The following FRMD4A variants were observed in gnomAD, a reference collection of about 807,000 sequenced individuals.
The protein encoded by FRMD4A is FERM domain containing 4A, also known as FERM domain-containing protein 4A.
Under a neutral mutation model 129.1 loss-of-function variants are expected in FRMD4A, and 29 were observed. That is an observed-to-expected ratio of 0.22 (90% CI 0.17 to 0.31). FRMD4A has a LOEUF of 0.31. Ranked by LOEUF, FRMD4A falls within the 10% of genes least tolerant of loss-of-function variation. FRMD4A has a pLI of 1.00. For missense variants in FRMD4A, 1,272 were observed against 1,375.8 expected (o/e 0.92, Z 1.19); for synonymous variants, 634 against 571.6 (o/e 1.11, Z -1.56).
chr10:14,185,622 A>G (rs968146486), intron 2 of FRMD4A, among the ~76,000 whole-genome samples: 12 of 152,204 alleles, frequency 7.9e-5, no homozygotes, highest in Admixed American at 2.0e-4. Flanking sequence ...AAGGGGATAT[A>G]TACTTCATGG....
rs565982619 is a variant in FRMD4A at position 14,119,247 on chromosome 10, C to T, written c.45+210811G>A. Among the ~76,000 whole-genome samples, 3 of 152,244 alleles carry T rather than the reference C, an allele frequency of 2.0e-5. No individual in the cohort carries two copies. In the East Asian group the frequency reaches 5.8e-4, roughly 29 times the overall value. ...TGTGAATGAAGAGGTGTTAGAACAG[C>T]ACCTATCGGGAGCATCCTTAGGCCA... On this transcript the variant is annotated intron_variant, in intron 2 of 24. Coordinates refer to ENST00000357447, the MANE Select transcript of FRMD4A (RefSeq NM_018027.5).
chr10:14,066,178 A>G (rs555432432), intron 2 of FRMD4A, among the ~76,000 whole-genome samples: 1 of 152,244 alleles, frequency 6.6e-6, no homozygotes, highest in Non-Finnish European at 1.5e-5. Flanking sequence ...TCAGAGTTGC[A>G]GAAAGCTGGG....
intron 2 of FRMD4A, among the ~76,000 whole-genome samples, chr10:14,171,267 T>C (rs1841462804): frequency 6.6e-6 from 1 of 152,214 alleles, no homozygotes; most frequent in Admixed American, 6.5e-5. Flanking sequence ...TCATTTGCTA[T>C]GGTTGAAATC....
At chr10:14,318,328 C>CA (rs1260266641) in intron 2 of FRMD4A, among the ~76,000 whole-genome samples, 3 of 113,604 alleles carry the variant, frequency 2.6e-5, no homozygotes. Flanking sequence ...TCCCCCCCCA[C>CA]CTTTTTTTTT....
chr10:13,652,035 C>G (rs2081657704), intron 23 of FRMD4A, 61 bp from the exon 24 acceptor site: 2 of 856,350 alleles, frequency 2.3e-6, no homozygotes, highest in South Asian at 1.3e-5. Context: ...GAGACACTGA[C>G]ACAGACACAG....
At position 14,112,259 on chromosome 10, in the gene FRMD4A, T is replaced by C. The variant is rs984013037; in HGVS notation, c.45+217799A>G. ...CCATGTTTGAATTTAATTCTCTAAG[T>C]AATTAGGAGCTGTGTAGATCAGTGA... On this transcript the variant is annotated intron_variant, in intron 2 of 24. Coordinates refer to ENST00000357447, the MANE Select transcript of FRMD4A (RefSeq NM_018027.5). Among the ~76,000 whole-genome samples, 9 of 152,162 alleles carry C rather than the reference T, an allele frequency of 5.9e-5. No individual in the cohort carries two copies. The East Asian group carries it at 1.7e-3, about 29-fold the overall frequency.
intron 2 of FRMD4A, among the ~76,000 whole-genome samples, chr10:14,009,329 C>A (rs1304741336): frequency 1.3e-5 from 2 of 149,710 alleles, no homozygotes; most frequent in Non-Finnish European, 3.0e-5. Context: ...TTTTCTTTTT[C>A]TTTTTAAAGC....
At chr10:13,981,325 G>A (rs139230000) in intron 2 of FRMD4A, among the ~76,000 whole-genome samples, 1 of 152,326 alleles carries the variant, frequency 6.6e-6, no homozygotes, top group Non-Finnish European at 1.5e-5. Flanking sequence ...GTTTAAAGCA[G>A]TCAACCAAAG....
At chr10:13,663,993 C>T (rs369227252) in intron 18 of FRMD4A, among the ~76,000 whole-genome samples, 16 of 152,296 alleles carry the variant, frequency 1.1e-4, no homozygotes, top group East Asian at 9.6e-4. Flanking sequence ...AGAAAACAAG[C>T]GTGCTAAATA....
At chr10:13,819,764 C>T (rs2093602141) in intron 3 of FRMD4A, among the ~76,000 whole-genome samples, 1 of 148,646 alleles carries the variant, frequency 6.7e-6, no homozygotes, top group African/African-American at 2.5e-5. Flanking sequence ...GGCACGATCT[C>T]AGGCTGGAGT....
chr10:13,856,021 TC>T (rs2094207424), intron 3 of FRMD4A, among the ~76,000 whole-genome samples: 2 of 102,016 alleles, frequency 2.0e-5, no homozygotes, highest in South Asian at 3.7e-4. Flanking sequence ...ATACTATCTA[TC>T]TATCTATCTA....
chr10:13,780,556 A>G (rs890523173), intron 6 of FRMD4A, among the ~76,000 whole-genome samples: 33 of 152,214 alleles, frequency 2.2e-4, no homozygotes, highest in African/African-American at 8.0e-4. Flanking sequence ...AGATACACAA[A>G]TGGCCAACAG....
intron 2 of FRMD4A, among the ~76,000 whole-genome samples, chr10:14,290,330 A>C (rs1378606212): frequency 6.6e-6 from 1 of 152,092 alleles, no homozygotes; most frequent in Non-Finnish European, 1.5e-5. Flanking sequence ...TCAAAGTATA[A>C]TACAAAGGTA....
intron 2 of FRMD4A, among the ~76,000 whole-genome samples, chr10:14,185,626 T>C (rs911103564): frequency 3.9e-5 from 6 of 152,174 alleles, no homozygotes; most frequent in East Asian, 3.9e-4. Context: ...GGATATATAC[T>C]TCATGGTCAG....
At chr10:13,931,580 T>G (rs1372927308) in intron 2 of FRMD4A, among the ~76,000 whole-genome samples, 2 of 152,120 alleles carry the variant, frequency 1.3e-5, no homozygotes, top group Non-Finnish European at 2.9e-5. Flanking sequence ...AAGCCTTTGC[T>G]CTATCCCCTA....
chr10:14,219,041 A>G (rs1649596740), intron 2 of FRMD4A, among the ~76,000 whole-genome samples: 1 of 149,842 alleles, frequency 6.7e-6, no homozygotes, highest in African/African-American at 2.5e-5. Flanking sequence ...AGAAGGGGAT[A>G]AGAGGAGGGG....
chr10:13,768,421 T>C (rs1168012926), intron 6 of FRMD4A, among the ~76,000 whole-genome samples: 1 of 152,208 alleles, frequency 6.6e-6, no homozygotes, highest in African/African-American at 2.4e-5. Flanking sequence ...CAGCCCACCA[T>C]GGTCCGGAAC....
chr10:14,163,671 G>C (rs1309955839), intron 2 of FRMD4A, among the ~76,000 whole-genome samples: 1 of 152,162 alleles, frequency 6.6e-6, no homozygotes, highest in African/African-American at 2.4e-5. Context: ...GAACGGCCAG[G>C]TTACCTTTCC....
chr10:14,259,840 T>TGACAACCAC (rs140911620), intron 2 of FRMD4A, among the ~76,000 whole-genome samples: 13,310 of 152,024 alleles, frequency 0.088, 1,246 homozygotes, highest in African/African-American at 0.23. Context: ...ATGGACACCA[T>TGACAACCAC]GACAACCACA....
Sources: allele counts gnomAD v4.1 joint callset (sites outside exome capture counted in the v4.1 genomes callset), GRCh38; gene constraint gnomAD v4.1.1; transcripts MANE v1.5; gene names NCBI Gene and HGNC (gene_info 2026-07-23, HGNC 2026-07-21).